Variants in DOCK3 observed in about 807,000 individuals in gnomAD.
DOCK3 encodes dedicator of cytokinesis protein 3.
In DOCK3, 60 loss-of-function variants were observed where a neutral mutation model predicts 265.6. That is an observed-to-expected ratio of 0.23 (90% CI 0.18 to 0.28). DOCK3 has a LOEUF of 0.28. Ranked by LOEUF, DOCK3 falls within the 10% of genes least tolerant of loss-of-function variation. The probability of loss-of-function intolerance (pLI) is 1.00; values close to 1 mark genes in which losing one functional copy is unlikely to be tolerated. For synonymous variants in DOCK3, 881 were observed against 938.0 expected (o/e 0.94, Z 1.11); for missense variants, 1,981 against 2,594.3 (o/e 0.76, Z 5.14).
intron 2 of DOCK3, among the ~76,000 whole-genome samples, chr3:50,804,667 G>A (rs144721988): frequency 2.0e-5 from 3 of 152,170 alleles, no homozygotes; most frequent in African/African-American, 7.2e-5. Flanking sequence ...CAGGGAGGTT[G>A]TAGTGAGCCA....
chr3:51,345,947 G>A (rs2085535016), intron 38 of DOCK3, among the ~76,000 whole-genome samples: 1 of 152,200 alleles, frequency 6.6e-6, no homozygotes, highest in Non-Finnish European at 1.5e-5. Flanking sequence ...AATAGGGTAT[G>A]AATAATACAA....
At chr3:50,892,035 A>G (rs764470061) in intron 4 of DOCK3, among the ~76,000 whole-genome samples, 1 of 152,150 alleles carries the variant, frequency 6.6e-6, no homozygotes, top group Non-Finnish European at 1.5e-5. Context: ...ATTGACCTCC[A>G]TATCCAAATG....
chr3:50,930,135 C>G (rs2050975971), intron 4 of DOCK3, among the ~76,000 whole-genome samples: 1 of 151,278 alleles, frequency 6.6e-6, no homozygotes, highest in South Asian at 2.1e-4. Context: ...TAGGAACACT[C>G]TAAGTTTTTT....
chr3:51,071,767 A>G (rs1483896310), intron 6 of DOCK3, among the ~76,000 whole-genome samples: 2 of 152,178 alleles, frequency 1.3e-5, no homozygotes, highest in African/African-American at 4.8e-5. Flanking sequence ...CATGTTGACC[A>G]TTCCCTGCAT....
At chr3:51,038,968 T>A in intron 5 of DOCK3, among the ~76,000 whole-genome samples, 1 of 151,930 alleles carries the variant, frequency 6.6e-6, no homozygotes, top group East Asian at 1.9e-4. Flanking sequence ...CTACACAGAA[T>A]AATGTTGTAT....
chr3:51,375,898 C>T (rs2088085201), intron 51 of DOCK3, 63 bp downstream of exon 51: 3 of 1,561,396 alleles, frequency 1.9e-6, no homozygotes, highest in Admixed American at 1.7e-5. Flanking sequence ...TGACTCTTGT[C>T]CCTGAGTACC....
intron 5 of DOCK3, among the ~76,000 whole-genome samples, chr3:50,935,699 A>G (rs2051321859): frequency 6.6e-6 from 1 of 152,146 alleles, no homozygotes; most frequent in Admixed American, 6.6e-5. Flanking sequence ...TCCCCACCCA[A>G]ACTCAAACTG....
At chr3:51,098,919 G>C (rs2082974049) in intron 9 of DOCK3, among the ~76,000 whole-genome samples, 1 of 152,178 alleles carries the variant, frequency 6.6e-6, no homozygotes, top group Non-Finnish European at 1.5e-5. Flanking sequence ...CGAGGGGCTA[G>C]AGAAATTAAT....
chr3:50,733,042 A>G (rs1358958240), intron 1 of DOCK3, among the ~76,000 whole-genome samples: 1 of 152,330 alleles, frequency 6.6e-6, no homozygotes, highest in Non-Finnish European at 1.5e-5. Flanking sequence ...TTGGCCTCCC[A>G]AAGTGCTGAG....
chr3:51,312,046 C>T lies in DOCK3; in HGVS notation c.3060C>T (p.His1020=). The T allele has an allele frequency of 6.2e-7, 1 of 1,606,710 alleles. No individual in the cohort carries two copies. The highest frequency in any genetic ancestry group is 8.5e-7 in the Non-Finnish European group (1 of 1,176,324). The part of the protein sequence containing the change: ...TTVQYLSSAL[H]KNFTETDFDF... ...TCCAGTACCTGTCCTCTGCACTGCA[C>T]AAGAATTTCACAGAGACTGACTTTG... is the stretch of plus-strand genomic sequence containing the variant. The change falls in exon 29 of 53, where the codon CAC becomes CAT. Residue 1020 remains histidine, a synonymous_variant. Transcript: ENST00000266037.
intron 5 of DOCK3, among the ~76,000 whole-genome samples, chr3:51,010,662 A>T (rs2078908158): frequency 6.6e-6 from 1 of 152,162 alleles, no homozygotes; most frequent in Non-Finnish European, 1.5e-5. Context: ...TCCTGTCATT[A>T]TGATGTTAGC....
rs78781935 is a variant in DOCK3, at chr3:51,122,614, T to C, written c.747-23935T>C. 7.7e-3 allele frequency among the ~76,000 whole-genome samples: 1,168 copies of C among 152,322 alleles called. 18 individuals carry two copies. The highest frequency in any genetic ancestry group is 0.027 in the African/African-American group (1,123 of 41,596). The stretch of plus-strand genomic sequence containing the variant: ...AATGTGTGAAGTATATTAATACTCA[T>C]ATTGATAAGGCTGAGCACCCTATGG... On this transcript the variant is annotated intron_variant, in intron 9 of 52. Coordinates refer to ENST00000266037, the MANE Select transcript of DOCK3 (RefSeq NM_004947.5).
intron 1 of DOCK3, among the ~76,000 whole-genome samples, chr3:50,682,899 A>G (rs909739074): frequency 6.6e-6 from 1 of 152,234 alleles, no homozygotes; most frequent in African/African-American, 2.4e-5. Flanking sequence ...AGATCGCGCC[A>G]TTGCGCTCCA....
chr3:51,233,358 C>CTATCTATTTATT (rs1553803193), intron 19 of DOCK3, among the ~76,000 whole-genome samples: 4 of 61,080 alleles, frequency 6.5e-5, no homozygotes, highest in Admixed American at 2.4e-4. Flanking sequence ...ATCTATCTAT[C>CTATCTATTTATT]TATTTATTTA....
At chr3:51,260,403 G>C (rs2079788942) in intron 23 of DOCK3, 77 bp downstream of exon 23, 1 of 1,462,806 alleles carries the variant, frequency 6.8e-7, no homozygotes, top group Non-Finnish European at 9.1e-7. Context: ...CTGGTTTTCA[G>C]AGATGAAGAA....
chr3:50,996,400 G>A (rs2078286348), intron 5 of DOCK3, among the ~76,000 whole-genome samples: 1 of 151,908 alleles, frequency 6.6e-6, no homozygotes, highest in Non-Finnish European at 1.5e-5. Flanking sequence ...TGTATTTTTA[G>A]TAGAGATGGG....
chr3:50,744,169 G>A (rs577730230), intron 1 of DOCK3, among the ~76,000 whole-genome samples: 1 of 152,176 alleles, frequency 6.6e-6, no homozygotes, highest in East Asian at 1.9e-4. Flanking sequence ...TATATATTCT[G>A]TATATGAAAA....
At chr3:50,785,125 C>A (rs1365906128) in intron 2 of DOCK3, among the ~76,000 whole-genome samples, 1 of 152,126 alleles carries the variant, frequency 6.6e-6, no homozygotes, top group African/African-American at 2.4e-5. Flanking sequence ...CCATTGCACT[C>A]CAGCCTGAGC....
intron 12 of DOCK3, among the ~76,000 whole-genome samples, chr3:51,180,757 T>A (rs2087243391): frequency 6.6e-6 from 1 of 152,200 alleles, no homozygotes; most frequent in Admixed American, 6.5e-5. Flanking sequence ...GGGGCTACCA[T>A]TCAACCCATT....
Sources: gnomAD v4.1 joint callset for allele counts (sites outside exome capture counted in the v4.1 genomes callset) on GRCh38, gnomAD v4.1.1 for gene constraint, MANE v1.5 for transcripts, NCBI Gene and HGNC (gene_info 2026-07-23, HGNC 2026-07-21) for gene names.